The following ZNF263 variants were observed in gnomAD, a reference collection of about 807,000 sequenced individuals.
The protein encoded by ZNF263 is zinc finger protein FPM315.
Under a neutral mutation model 63.1 loss-of-function variants are expected in ZNF263, and 49 were observed. The observed-to-expected ratio is 0.78, with a 90% CI of 0.62 to 0.99. The LOEUF is 0.99. ZNF263 is among the 50% of genes least tolerant of loss of function. The pLI is 0.00. For missense variants in ZNF263, 872 were observed against 854.8 expected (o/e 1.02, Z -0.25); for synonymous variants, 352 against 324.2 (o/e 1.09, Z -0.92).
At chr16:3,286,285 C>T (rs1185466088) in intron 4 of ZNF263, 136 bp downstream of exon 4, 22 of 1,321,836 alleles carry the variant, frequency 1.7e-5, no homozygotes, top group South Asian at 1.1e-4. Context: ...TGTCTAAAGT[C>T]CCCTGTACGA....
chr16:3,292,409 CAGT>C (rs1959635627), downstream of ZNF263, among the ~76,000 whole-genome samples: 1 of 152,028 alleles, frequency 6.6e-6, no homozygotes, highest in Admixed American at 6.6e-5. Flanking sequence ...AGGAGGAGGG[CAGT>C]GGTGGTGTGG....
exon 3 of ZNF263, chr16:3,301,209 T>G (rs551211684): frequency 6.0e-6 from 1 of 167,336 alleles, no homozygotes; most frequent in African/African-American, 2.4e-5. Flanking sequence ...TTGTACATAG[T>G]GTTCACTGGG....
downstream of ZNF263, among the ~76,000 whole-genome samples, chr16:3,295,209 C>T (rs1959712661): frequency 6.6e-6 from 1 of 152,162 alleles, no homozygotes; most frequent in African/African-American, 2.4e-5. Flanking sequence ...ACCGCCGCCC[C>T]GGGCCTCGGG....
chr16:3,286,259 A>T, intron 4 of ZNF263, 110 bp downstream of exon 4: 1 of 1,443,014 alleles, frequency 6.9e-7, no homozygotes, highest in Non-Finnish European at 9.2e-7. Context: ...AGAAGCCTCC[A>T]CAGGAGACTT....
Position 3,291,089 on chromosome 16 carries a change from C to G in ZNF263, c.*531C>G, listed in dbSNP as rs537919826. ...TTGGGAAGCCATGGGCAGTCCAGAT[C>G]AAGCCACCACGTGCCCTACGATGGC... On this transcript the variant is annotated 3_prime_UTR_variant, in exon 6 of 6. Transcript: ENST00000219069. 2.5e-5 allele frequency: 25 copies of G among 989,652 alleles called. No individual in the cohort carries two copies. Among genetic ancestry groups the G allele is most frequent in the Non-Finnish European group, 2.9e-5 (24 of 832,264 alleles). The allele number at this position is 989,652 out of a possible 1,614,324, so 61.3% of individuals were successfully genotyped here.
chr16:3,296,672 TG>T (rs1213420631), intron 1 of ZNF263, among the ~76,000 whole-genome samples: 1 of 152,206 alleles, frequency 6.6e-6, no homozygotes, highest in Non-Finnish European at 1.5e-5. Context: ...CTACAAGTTC[TG>T]GGTAATAAAT....
intron 1 of ZNF263, among the ~76,000 whole-genome samples, chr16:3,284,454 C>G (rs1366563047): frequency 6.6e-6 from 1 of 152,218 alleles, no homozygotes; most frequent in Non-Finnish European, 1.5e-5. Context: ...AGTTAGATCG[C>G]CAGCGTTCAA....
chr16:3,294,395 C>G (rs965964520), downstream of ZNF263, among the ~76,000 whole-genome samples: 4 of 152,202 alleles, frequency 2.6e-5, no homozygotes, highest in African/African-American at 9.7e-5. Context: ...GGAAAACCAA[C>G]TAGCAAATTT....
intron 1 of ZNF263, chr16:3,298,964 T>G (rs371098080): frequency 1.8e-4 from 225 of 1,216,464 alleles, no homozygotes; most frequent in Non-Finnish European, 2.3e-4. Context: ...AAACACAAAA[T>G]CTAATGATTA....
At position 3,290,150 on chromosome 16, in the gene ZNF263, C is replaced by T; in HGVS notation, c.1644C>T (p.Phe548=). The T allele has an allele frequency of 6.2e-7, 1 of 1,614,162 alleles. No individual in the cohort carries two copies. Among genetic ancestry groups the T allele is most frequent in the Non-Finnish European group, 8.5e-7 (1 of 1,180,024 alleles). ...RTHERERLYP[F]SECGEAVSDS... is the part of the protein sequence containing the mutation. ...ATGAGAGAGAGAGACTTTACCCCTT[C>T]TCTGAGTGTGGGGAAGCTGTGAGTG... is the stretch of plus-strand genomic sequence containing the variant. The change falls in exon 6 of 6, where the codon TTC becomes TTT. Residue 548 remains phenylalanine, a synonymous_variant. Transcript: ENST00000219069.
At position 3,283,815 on chromosome 16, in the gene ZNF263, G is replaced by T; in HGVS notation, c.-4G>T. ...TCGGGCTAAGGCGCTCTGGAGACCT[G>T]ACGATGGCGTCGGGCCCGGGCTCCC... On this transcript the variant is annotated 5_prime_UTR_variant, in exon 1 of 6. Transcript: ENST00000219069. 6.4e-7 allele frequency: 1 copy of T among 1,560,240 alleles called. No homozygotes were observed.
chr16:3,295,591 G>T (rs1567256446), downstream of ZNF263, among the ~76,000 whole-genome samples: 2 of 152,272 alleles, frequency 1.3e-5, no homozygotes, highest in Non-Finnish European at 2.9e-5. Context: ...CGGGCGCCAG[G>T]AAAGCGCGGG....
intron 4 of ZNF263, chr16:3,286,460 G>C (rs1959363239): frequency 4.8e-6 from 1 of 207,450 alleles, no homozygotes; most frequent in South Asian, 1.4e-4. Context: ...ATTCCAGGAT[G>C]CTGGGGGGCT....
At chr16:3,285,300 C>G in intron 2 of ZNF263, 61 bp downstream of exon 2, 4 of 1,514,170 alleles carry the variant, frequency 2.6e-6, no homozygotes, top group South Asian at 2.4e-5. Context: ...GCCCCCGACA[C>G]TAGCTGGATG....
In ZNF263 at chr16:3,299,698, G is replaced by A. The variant is rs931422036; in HGVS notation, c.*46+542G>A. On this transcript the variant is annotated intron_variant, in intron 2 of 2. Transcript: ENST00000574674. ...TATTCGACCATCCTCACTGGTTAGG[G>A]ATTCAGAGGAAGGATGAGCCGGGCA... 6 of 1,538,438 alleles carry A rather than the reference G, an allele frequency of 3.9e-6. No individual in the cohort carries two copies. The Admixed American group carries it at 8.8e-5, about 23-fold the overall frequency.
chr16:3,298,682 A>G, intron 1 of ZNF263: 2 of 218,038 alleles, frequency 9.2e-6, no homozygotes, highest in Non-Finnish European at 8.9e-6. Context: ...TCTTTGTTAT[A>G]CGATATGATT....
intron 1 of ZNF263, among the ~76,000 whole-genome samples, chr16:3,298,059 T>A (rs1959811098): frequency 6.6e-6 from 1 of 152,242 alleles, no homozygotes. Context: ...TCATTCTATT[T>A]GACCTGGTAG....
chr16:3,300,726 A>C, intron 2 of ZNF263: 1 of 1,461,748 alleles, frequency 6.8e-7, no homozygotes, highest in Non-Finnish European at 9.0e-7. Context: ...AAGCCCCAGA[A>C]GGCATGGGCA....
In ZNF263 at chr16:3,290,042, C is replaced by T. The variant is rs1396812738; in HGVS notation, c.1536C>T (p.His512=). ...ACCTCCTTCGGCACCAGAGAATTCA[C>T]ACTGGAGAGCGACCTTATAAGTGTC... is the stretch of plus-strand genomic sequence containing the variant. ...SSNLLRHQRI[H]TGERPYKCPE... The change falls in exon 6 of 6, where the codon CAC becomes CAT. Residue 512 remains histidine, a synonymous_variant. Coordinates refer to ENST00000219069, the MANE Select transcript of ZNF263 (RefSeq NM_005741.5). 1.2e-6 allele frequency: 2 copies of T among 1,614,214 alleles called. No individual in the cohort carries two copies. Among genetic ancestry groups the T allele is most frequent in the Admixed American group, 1.7e-5 (1 of 60,024 alleles).
Sources: allele counts gnomAD v4.1 joint callset (sites outside exome capture counted in the v4.1 genomes callset), GRCh38; gene constraint gnomAD v4.1.1; transcripts MANE v1.5; gene names NCBI Gene and HGNC (gene_info 2026-07-23, HGNC 2026-07-21).